The following PAX9 variants were observed in gnomAD, a reference collection of about 807,000 sequenced individuals.
PAX9 encodes the protein paired box 9.
PAX9 carries 6 observed loss-of-function variants against 29.1 expected under a neutral mutation model. The ratio of observed to expected loss-of-function variants is 0.21; its 90% CI spans 0.11 to 0.41. The LOEUF is 0.41. PAX9 is among the 10% of genes least tolerant of loss of function. PAX9 has a pLI of 1.00. For synonymous variants in PAX9, 217 were observed against 211.7 expected, an observed-to-expected ratio of 1.03 and a Z score of -0.22; for missense variants, 443 against 479.1, an observed-to-expected ratio of 0.92 and a Z score of 0.70.
intron 2 of PAX9, 60 bp from the exon 3 acceptor site, chr14:36,666,402 C>G (rs1337967679): frequency 2.5e-6 from 4 of 1,580,930 alleles, no homozygotes; most frequent in Non-Finnish European, 3.4e-6. Context: ...TGGGTCCCGT[C>G]TCAAGAGTGG....
intron 3 of PAX9, 104 bp downstream of exon 3, chr14:36,666,705 C>T: frequency 7.1e-7 from 1 of 1,404,382 alleles, no homozygotes; most frequent in Non-Finnish European, 9.9e-7. Flanking sequence ...CGAGAGAAGC[C>T]CAGGCTGGCG....
intron 3 of PAX9, among the ~76,000 whole-genome samples, chr14:36,670,067 C>G (rs1000361298): frequency 2.5e-4 from 38 of 152,054 alleles, no homozygotes; most frequent in African/African-American, 8.2e-4. Context: ...TACATTTGCC[C>G]TTTTAGGAAG....
rs754547813 is a variant in PAX9, at chr14:36,665,768, G to C, written c.632-694G>C. Among the ~76,000 whole-genome samples the C allele has an allele frequency of 2.6e-5, 4 of 152,128 alleles. No homozygotes were observed. In the South Asian group the frequency reaches 8.3e-4, roughly 32 times the overall value. ...CACTAACACCCATGGCATGTATAGT[G>C]GTAATTGCAAGATTTATTTTTAAGT... On this transcript the variant is annotated intron_variant, in intron 2 of 3. Transcript: ENST00000361487.
Position 36,678,495 on chromosome 14 carries a change from A to T in PAX9, c.*2043A>T. 5.9e-6 allele frequency: 9 copies of T among 1,537,014 alleles called. No homozygotes were observed. The highest frequency in any genetic ancestry group is 7.8e-6 in the Non-Finnish European group (9 of 1,146,750). On this transcript the variant is annotated 3_prime_UTR_variant, in exon 4 of 4. Transcript: ENST00000361487. ...TCTGGAGTTCCCAGTCTGGTGAGAA[A>T]ATAGACTATAAACTGAATGGAACAA...
intron 3 of PAX9, among the ~76,000 whole-genome samples, chr14:36,668,512 C>T (rs1881590442): frequency 6.6e-6 from 1 of 152,310 alleles, no homozygotes; most frequent in African/African-American, 2.4e-5. Context: ...CCTCAGCCTC[C>T]TGAGTAGCTG....
intron 2 of PAX9, among the ~76,000 whole-genome samples, chr14:36,663,832 C>A: frequency 6.6e-6 from 1 of 152,210 alleles, no homozygotes; most frequent in Admixed American, 6.5e-5. Flanking sequence ...CAGCCTCAGC[C>A]CGGCTTGCTC....
upstream of PAX9, among the ~76,000 whole-genome samples, chr14:36,661,172 GCACACGGCGTGGCC>G: frequency 6.6e-6 from 1 of 152,364 alleles, no homozygotes; most frequent in East Asian, 1.9e-4. Context: ...TCAGTTCCCC[GCACACGGCGTGGCC>G]CGTGCCTCGA....
At chr14:36,673,451 A>ATG (rs1284632087) in intron 3 of PAX9, among the ~76,000 whole-genome samples, 1 of 152,106 alleles carries the variant, frequency 6.6e-6, no homozygotes, top group Non-Finnish European at 1.5e-5. Flanking sequence ...CCTAAATCCA[A>ATG]TGTCCTGCCT....
rs1361011938 is a variant in PAX9, at chr14:36,662,907, C to T, written c.15C>T (p.Phe5=). Residue 5 remains phenylalanine (F), a synonymous_variant, in exon 2 of 4, where the codon TTC becomes TTT. Coordinates refer to ENST00000361487, the MANE Select transcript of PAX9 (RefSeq NM_001372076.1). MEPA[F]GEVNQLGGVF... Reference sequence around the variant, plus strand: ...GTGTTCATTTTGCAGAGCCAGCCTTCGGGGAGGTGAACCAGCTGGGAGGAG... The same window carrying T: ...GTGTTCATTTTGCAGAGCCAGCCTTTGGGGAGGTGAACCAGCTGGGAGGAG... 2 of 1,611,710 alleles carry T rather than the reference C, an allele frequency of 1.2e-6. No homozygotes were observed. Among genetic ancestry groups the T allele is most frequent in the East Asian group, 2.2e-5 (1 of 44,810 alleles).
At position 36,678,704 on chromosome 14, in the gene PAX9, T is replaced by TATC. The variant is rs1882029327; in HGVS notation, c.*2253_*2255dup. ...GAAATGCAAATAATGTTATTTTCTT[T>TATC]ATCTAAATTAAGAAATCTCTTGTTA... On this transcript the variant is annotated 3_prime_UTR_variant, in exon 4 of 4. Transcript: ENST00000361487. 2 of 1,226,572 alleles carry TATC rather than the reference T, an allele frequency of 1.6e-6. No homozygotes were observed. Among genetic ancestry groups the TATC allele is most frequent in the Admixed American group, 3.9e-5 (1 of 25,674 alleles). 76.0% of individuals were successfully genotyped at this position (1,226,572 alleles called of 1,614,324 possible). A position where few individuals can be genotyped will look rare whatever the true frequency, so the allele number is the denominator to read the frequency against.
At chr14:36,663,805 C>T (rs1455116939) in intron 2 of PAX9, among the ~76,000 whole-genome samples, 2 of 152,220 alleles carry the variant, frequency 1.3e-5, no homozygotes, top group Non-Finnish European at 1.5e-5. Flanking sequence ...CACCCTCCCC[C>T]GCCTCTCGCG....
In PAX9 at chr14:36,676,655, CTT is replaced by C. The variant is rs1881905226; in HGVS notation, c.*205_*206del. 6.3e-6 allele frequency: 4 copies of C among 632,972 alleles called. No individual in the cohort carries two copies. The highest frequency in any genetic ancestry group is 1.1e-5 in the Non-Finnish European group (4 of 359,418). The allele number at this position is 632,972 out of a possible 1,614,324, so 39.2% of individuals were successfully genotyped here. A position where few individuals can be genotyped will look rare whatever the true frequency, so the allele number is the denominator to read the frequency against. Reference sequence around the variant, plus strand: ...TTCTCTTGCAGAAAAACTGACATGACTTTAGGATTTAAAAACAAGAGCAACAA... The same window carrying C: ...TTCTCTTGCAGAAAAACTGACATGACTAGGATTTAAAAACAAGAGCAACAA... On this transcript the variant is annotated 3_prime_UTR_variant, in exon 4 of 4. Transcript: ENST00000361487.
chr14:36,671,576 A>G (rs8004560), intron 3 of PAX9, among the ~76,000 whole-genome samples: 92,127 of 151,922 alleles, frequency 0.61, 28,382 homozygotes, highest in East Asian at 0.75. Context: ...ACTAACTTAA[A>G]TATACATATG....
chr14:36,670,329 A>G (rs1014618676), intron 3 of PAX9, among the ~76,000 whole-genome samples: 1 of 152,064 alleles, frequency 6.6e-6, no homozygotes, highest in African/African-American at 2.4e-5. Flanking sequence ...TAGTCTATAA[A>G]TACTTGAACT....
At chr14:36,671,702 T>A (rs1249501027) in intron 3 of PAX9, among the ~76,000 whole-genome samples, 1 of 152,206 alleles carries the variant, frequency 6.6e-6, no homozygotes, top group Non-Finnish European at 1.5e-5. Flanking sequence ...CCTCAACATA[T>A]TCACCAAAGT....
At chr14:36,668,780 C>CA (rs925578531) in intron 3 of PAX9, among the ~76,000 whole-genome samples, 1 of 151,984 alleles carries the variant, frequency 6.6e-6, no homozygotes, top group Non-Finnish European at 1.5e-5. Context: ...ACTAAACTGA[C>CA]AAATTATTTA....
upstream of PAX9, among the ~76,000 whole-genome samples, chr14:36,658,307 C>G (rs998573839): frequency 1.3e-5 from 2 of 151,328 alleles, no homozygotes; most frequent in African/African-American, 4.9e-5. Context: ...CGGACTCTGG[C>G]TGTCTTACAA....
chr14:36,675,347 A>C (rs955710976), intron 3 of PAX9, among the ~76,000 whole-genome samples: 2 of 152,218 alleles, frequency 1.3e-5, no homozygotes, highest in African/African-American at 4.8e-5. Flanking sequence ...CCAAGACAGC[A>C]CTGGTTTCTC....
At chr14:36,667,614 G>T (rs1168822343) in intron 3 of PAX9, among the ~76,000 whole-genome samples, 1 of 152,046 alleles carries the variant, frequency 6.6e-6, no homozygotes, top group Non-Finnish European at 1.5e-5. Flanking sequence ...AGTGGAATTT[G>T]TTCCTCTTAT....
Sources: gnomAD v4.1 joint callset for allele counts (sites outside exome capture counted in the v4.1 genomes callset) on GRCh38, gnomAD v4.1.1 for gene constraint, MANE v1.5 for transcripts, NCBI Gene and HGNC (gene_info 2026-07-23, HGNC 2026-07-21) for gene names.